The following FAAP100 variants were observed in gnomAD, a reference collection of about 807,000 sequenced individuals.
The protein encoded by FAAP100 is FA core complex associated protein 100.
In FAAP100, 46 loss-of-function variants were observed where a neutral mutation model predicts 65.8. That is an observed-to-expected ratio of 0.70 (90% CI 0.55 to 0.89). FAAP100 has a LOEUF of 0.89. FAAP100 is among the 40% of genes least tolerant of loss of function. FAAP100 has a pLI of 0.00. For synonymous variants in FAAP100, 663 were observed against 555.1 expected (o/e 1.19, Z -2.73); for missense variants, 1,165 against 1,196.7 (o/e 0.97, Z 0.39).
chr17:81,547,092 G>T lies in FAAP100; in HGVS notation c.1990C>A (p.Arg664=), dbSNP rs112038587. ...RFPGLAPPHT[R]APSPLGPTRD... ...GTGGGGCCGAGTGGGGAGGGGGCCC[G>T]TGTGTGTGGCGGGGCCAGGCCAGGG... Residue 664 remains arginine, a synonymous_variant, in exon 5 of 9, where the codon CGG becomes AGG. Transcript: ENST00000327787. The T allele has an allele frequency of 3.3e-6, 5 of 1,532,256 alleles. No homozygotes were observed. Among genetic ancestry groups the T allele is most frequent in the Non-Finnish European group, 4.4e-6 (5 of 1,139,640 alleles). 94.9% of individuals were successfully genotyped at this position (1,532,256 alleles called of 1,614,324 possible). A position where few individuals can be genotyped will look rare whatever the true frequency, so the allele number is the denominator to read the frequency against.
intron 3 of FAAP100, among the ~76,000 whole-genome samples, chr17:81,549,654 C>T (rs1033872753): frequency 2.0e-5 from 3 of 152,178 alleles, no homozygotes; most frequent in Non-Finnish European, 4.4e-5. Flanking sequence ...TTTTCTGTGG[C>T]GAGATTTATT....
intron 6 of FAAP100, 39 bp downstream of exon 6, chr17:81,545,707 T>G: frequency 1.3e-6 from 2 of 1,587,358 alleles, no homozygotes; most frequent in South Asian, 2.3e-5. Context: ...CCCCAAGAAC[T>G]GCTGGTGCCG....
chr17:81,552,456 C>T (rs1343397056), upstream of FAAP100: 18 of 960,926 alleles, frequency 1.9e-5, no homozygotes, highest in Non-Finnish European at 2.4e-5. Context: ...GTGCCGGGGG[C>T]GGGCCGGAAA....
Position 81,547,399 on chromosome 17 carries a change from G to A in FAAP100, c.1683C>T (p.Ser561=), listed in dbSNP as rs757606970. The change falls in exon 5 of 9, where the codon TCC becomes TCT. Residue 561 remains serine (S), a synonymous_variant. Coordinates refer to ENST00000327787, the MANE Select transcript of FAAP100 (RefSeq NM_025161.6). ...SCALDLDSAC[S]AITYTIPVDQ... ...CCACGGGGATGGTGTAGGTGATGGC[G>A]GAGCAGGCCGAGTCCAGGTCGAGAG... 8.1e-6 allele frequency: 13 copies of A among 1,612,754 alleles called. No individual in the cohort carries two copies. Among genetic ancestry groups the A allele is most frequent in the South Asian group, 6.6e-5 (6 of 91,090 alleles).
In FAAP100 at chr17:81,547,379, G is replaced by T; in HGVS notation, c.1703C>A (p.Pro568His). Reference protein sequence around the residue: ...SACSAITYTIPVDQLGPGARR... With the variant: ...SACSAITYTIHVDQLGPGARR... The stretch of plus-strand genomic sequence containing the variant: ...AGCACCGGGGCCGAGCTGGTCCACG[G>T]GGATGGTGTAGGTGATGGCGGAGCA... Residue 568 changes from proline (P) to histidine (H), a missense_variant, in exon 5 of 9, where the codon CCC (proline) becomes CAC (histidine). Transcript: ENST00000327787. 6.2e-7 allele frequency: 1 copy of T among 1,612,884 alleles called. No homozygotes were observed. Among genetic ancestry groups the T allele is most frequent in the African/African-American group, 1.3e-5 (1 of 75,066 alleles).
intron 7 of FAAP100, among the ~76,000 whole-genome samples, chr17:81,542,910 C>A (rs755536724): frequency 6.6e-6 from 1 of 152,198 alleles, no homozygotes; most frequent in Non-Finnish European, 1.5e-5. Flanking sequence ...CTCTGACAGG[C>A]AACACCTCAG....
At chr17:81,541,596 C>T (rs1206522330) in intron 7 of FAAP100, among the ~76,000 whole-genome samples, 5 of 152,260 alleles carry the variant, frequency 3.3e-5, no homozygotes, top group Non-Finnish European at 5.9e-5. Context: ...GCACAGAGCC[C>T]CTGGCCTGAC....
upstream of FAAP100, among the ~76,000 whole-genome samples, chr17:81,552,711 C>T (rs915879490): frequency 6.6e-6 from 1 of 152,212 alleles, no homozygotes; most frequent in Non-Finnish European, 1.5e-5. Context: ...CTCAGCTACT[C>T]GGGCTTTTGC....
rs1331817658 is a variant in FAAP100 at position 81,540,857 on chromosome 17, A to T, written c.2608T>A (p.Tyr870Asn). Reference sequence around the variant, plus strand: ...AGGCTGGGGTGGCGCAGCTGCCGGTACACCTGTAGCAGCCTCTGGGCGGTG... The same window carrying T: ...AGGCTGGGGTGGCGCAGCTGCCGGTTCACCTGTAGCAGCCTCTGGGCGGTG... The part of the protein sequence containing the change: ...CATAQRLLQV[Y>N]RQLRHPSLIL... The change falls in exon 9 of 9, where the codon TAC becomes AAC. Residue 870 changes from tyrosine (Y) to asparagine (N), a missense_variant. Coordinates refer to ENST00000327787, the MANE Select transcript of FAAP100 (RefSeq NM_025161.6). 6.5e-7 allele frequency: 1 copy of T among 1,550,126 alleles called. No homozygotes were observed. The highest frequency in any genetic ancestry group is 1.4e-5 in the African/African-American group (1 of 73,568).
Position 81,546,974 on chromosome 17 carries a change from G to C in FAAP100, c.2108C>G (p.Pro703Arg). The C allele has an allele frequency of 6.7e-7, 1 of 1,483,354 alleles. No homozygotes were observed. The highest frequency in any genetic ancestry group is 2.4e-5 in the East Asian group (1 of 41,968). The allele number at this position is 1,483,354 out of a possible 1,614,324, so 91.9% of individuals were successfully genotyped here. The part of the protein sequence containing the change: ...PASLRAEYLP[P>R]SVASIKVSAE... Reference sequence around the variant, plus strand: ...CGACACCTTGATGGAAGCCACAGATGGGGGCAGGTACTCGGCCCGCAGGGA... The same window carrying C: ...CGACACCTTGATGGAAGCCACAGATCGGGGCAGGTACTCGGCCCGCAGGGA... The change falls in exon 5 of 9, where the codon CCA becomes CGA. Residue 703 changes from proline to arginine, a missense_variant. Pro to Arg is a moderately radical substitution (Grantham distance 103). Transcript: ENST00000327787.
At chr17:81,541,706 C>T (rs58278001) in intron 7 of FAAP100, among the ~76,000 whole-genome samples, 135,138 of 152,252 alleles carry the variant, frequency 0.89, 60,089 homozygotes, top group African/African-American at 0.92. Flanking sequence ...ACCTGCCTAC[C>T]GCCCCCTTCT....
intron 2 of FAAP100, chr17:81,551,628 C>G (rs2033498055): frequency 3.3e-6 from 4 of 1,201,308 alleles, no homozygotes; most frequent in Non-Finnish European, 4.3e-6. Flanking sequence ...CCAATAAAGA[C>G]CCAACCTCGG....
chr17:81,551,069 G>A lies in FAAP100; in HGVS notation c.425C>T (p.Thr142Ile). Residue 142 changes from threonine (T) to isoleucine (I), a missense_variant, in exon 3 of 9, where the codon ACC becomes ATC. Thr to Ile is a moderately conservative substitution (Grantham distance 89, BLOSUM62 -1). Coordinates refer to ENST00000327787, the MANE Select transcript of FAAP100 (RefSeq NM_025161.6). ...CCATCGGGCAGGGCCCTGCACCAGG[G>A]TGACCAGCACACTGTCCAGCAAGGT... ...AFTLLDSVLVTLVQGPARWKM... is the reference protein window; with the variant it reads ...AFTLLDSVLVILVQGPARWKM... 6.3e-7 allele frequency: 1 copy of A among 1,589,108 alleles called. No individual in the cohort carries two copies. The highest frequency in any genetic ancestry group is 1.1e-5 in the South Asian group (1 of 87,724).
At chr17:81,541,462 AG>A in intron 7 of FAAP100, 67 bp from the exon 8 acceptor site, 1 of 1,375,718 alleles carries the variant, frequency 7.3e-7, no homozygotes. Flanking sequence ...CCCTTGGAGC[AG>A]GGTGACCCTC....
Position 81,552,020 on chromosome 17 carries a change from G to T in FAAP100, c.198C>A (p.His66Gln). 1 of 1,552,870 alleles carries T rather than the reference G, an allele frequency of 6.4e-7. No individual in the cohort carries two copies. ...AAFRFPDQVW[H>Q]LELLAPRRLL... Reference sequence around the variant, plus strand: ...ACCTGCGCGGCGCCAGCAGCTCCAGGTGCCACACCTGGTCGGGGAACCGGA... The same window carrying T: ...ACCTGCGCGGCGCCAGCAGCTCCAGTTGCCACACCTGGTCGGGGAACCGGA... Residue 66 changes from histidine (H) to glutamine (Q), a missense_variant, in exon 2 of 9, where the codon CAC becomes CAA. Coordinates refer to ENST00000327787, the MANE Select transcript of FAAP100 (RefSeq NM_025161.6).
chr17:81,545,673 C>T lies in FAAP100; in HGVS notation c.2310+73G>A. On this transcript the variant is annotated intron_variant, in intron 6 of 8. Coordinates refer to ENST00000327787, the MANE Select transcript of FAAP100 (RefSeq NM_025161.6). ...CCCCCACCCAGGGTGAGGGGTCCTC[C>T]CGAGCTCCGGCCCAGGGGCCCCACC... 2.6e-6 allele frequency: 4 copies of T among 1,525,972 alleles called. No homozygotes were observed. In the South Asian group the frequency reaches 5.1e-5, roughly 20 times the overall value. 94.5% of individuals were successfully genotyped at this position (1,525,972 alleles called of 1,614,324 possible).
At chr17:81,552,132 C>T in intron 1 of FAAP100, 34 bp downstream of exon 1, 1 of 1,480,700 alleles carries the variant, frequency 6.8e-7, no homozygotes, top group Non-Finnish European at 8.9e-7. Flanking sequence ...CCGCCCCCGC[C>T]CGGTCCCTCC....
chr17:81,551,863 C>T, intron 2 of FAAP100, 65 bp downstream of exon 2: 2 of 1,449,564 alleles, frequency 1.4e-6, no homozygotes, highest in Non-Finnish European at 1.8e-6. Context: ...GGTGGGGCTG[C>T]TCGCTCTGAA....
intron 7 of FAAP100, among the ~76,000 whole-genome samples, chr17:81,543,748 G>A (rs1465466110): frequency 2.6e-5 from 4 of 152,182 alleles, no homozygotes; most frequent in Admixed American, 2.0e-4. Context: ...GGCAGTCCTT[G>A]GACTCACAGG....
Sources: gnomAD v4.1 joint callset for allele counts (sites outside exome capture counted in the v4.1 genomes callset) on GRCh38, gnomAD v4.1.1 for gene constraint, MANE v1.5 for transcripts, NCBI Gene and HGNC (gene_info 2026-07-23, HGNC 2026-07-21) for gene names.